Variants in PCDHGA5 observed in about 807,000 individuals in gnomAD.
PCDHGA5 encodes the protein protocadherin gamma-A5.
Under a neutral mutation model 56.7 loss-of-function variants are expected in PCDHGA5, and 36 were observed. That is an observed-to-expected ratio of 0.64 (90% CI 0.49 to 0.84). The LOEUF (loss-of-function observed/expected upper bound fraction) is 0.84, where lower values mean the gene tolerates loss of function less well. PCDHGA5 is among the 40% of genes least tolerant of loss of function. The probability of loss-of-function intolerance (pLI) is 0.00; values close to 1 mark genes in which losing one functional copy is unlikely to be tolerated. For synonymous variants in PCDHGA5, 563 were observed against 520.2 expected (o/e 1.08, Z -1.12); for missense variants, 1,305 against 1,201.5 (o/e 1.09, Z -1.27).
intron 1 of PCDHGA5, chr5:141,398,029 G>C (rs1363038637): frequency 2.7e-6 from 4 of 1,458,540 alleles, no homozygotes; most frequent in Non-Finnish European, 3.7e-6. Flanking sequence ...ACTGGAACTG[G>C]AACTAAAGCC....
intron 1 of PCDHGA5, chr5:141,385,402 T>A: frequency 6.7e-7 from 1 of 1,488,784 alleles, no homozygotes; most frequent in Non-Finnish European, 8.9e-7. Context: ...AACAAATGTT[T>A]TGAAAATAGG....
In PCDHGA5 at chr5:141,491,925, G is replaced by A. The variant is rs1019181943; in HGVS notation, c.2422-2882G>A. 5 of 1,325,176 alleles carry A rather than the reference G, an allele frequency of 3.8e-6. No homozygotes were observed. In the Admixed American group the frequency reaches 1.5e-4, roughly 39 times the overall value. 82.1% of individuals were successfully genotyped at this position (1,325,176 alleles called of 1,614,324 possible). A position where few individuals can be genotyped will look rare whatever the true frequency, so the allele number is the denominator to read the frequency against. On this transcript the variant is annotated intron_variant, in intron 1 of 3. Coordinates refer to ENST00000518069, the MANE Select transcript of PCDHGA5 (RefSeq NM_018918.3). The surrounding 1 kb of genome is among the most constrained non-coding windows in gnomAD (Gnocchi z 6.9). ...GGGTGGTGGCGACTGTGGGCGAGGG[G>A]AGGTGGGACCGACCCCCACCCCTAC...
intron 1 of PCDHGA5, chr5:141,414,139 G>T: frequency 6.3e-7 from 1 of 1,596,506 alleles, no homozygotes; most frequent in Non-Finnish European, 8.5e-7. Flanking sequence ...CTATGAAATA[G>T]AAATACAAGC....
intron 1 of PCDHGA5, chr5:141,418,046 G>A (rs757311166): frequency 1.9e-6 from 3 of 1,613,888 alleles, no homozygotes; most frequent in Admixed American, 3.3e-5. Flanking sequence ...GGATGTGTCG[G>A]CTCGCGAGCT....
intron 1 of PCDHGA5, among the ~76,000 whole-genome samples, chr5:141,446,182 G>A (rs1411996595): frequency 6.6e-6 from 1 of 152,118 alleles, no homozygotes; most frequent in African/African-American, 2.4e-5. Flanking sequence ...GGGGTGTTTT[G>A]TTTATTATTA....
intron 1 of PCDHGA5, among the ~76,000 whole-genome samples, chr5:141,456,736 G>A (rs1339661302): frequency 1.3e-5 from 2 of 151,924 alleles, no homozygotes; most frequent in Non-Finnish European, 2.9e-5. Context: ...AGGCTGAGGC[G>A]GGAGCATCAT....
rs1322608789 is a variant in PCDHGA5, at chr5:141,485,671, G to A, written c.2422-9136G>A. 3 of 1,612,860 alleles carry A rather than the reference G, an allele frequency of 1.9e-6. No homozygotes were observed. The highest frequency in any genetic ancestry group is 2.5e-6 in the Non-Finnish European group (3 of 1,179,040). On this transcript the variant is annotated intron_variant, in intron 1 of 3. Coordinates refer to ENST00000518069, the MANE Select transcript of PCDHGA5 (RefSeq NM_018918.3). This position sits in a 1 kb window ranked among gnomAD's most constrained non-coding sequence, Gnocchi z 5.7. Reference sequence around the variant, plus strand: ...AGGATGCAGATGTGGGGAGCAATTCGATTAGCAGCTATAGGCTGAGCTCCA... The same window carrying A: ...AGGATGCAGATGTGGGGAGCAATTCAATTAGCAGCTATAGGCTGAGCTCCA...
At chr5:141,399,454 G>A in intron 1 of PCDHGA5, 1 of 1,613,992 alleles carries the variant, frequency 6.2e-7, no homozygotes. Flanking sequence ...AGACGTCAAC[G>A]ATAACGCTCC....
In PCDHGA5 at chr5:141,375,771, T is replaced by C. The variant is rs570278414; in HGVS notation, c.2421+9020T>C. ...CAGAATGACAATGCGCCCGAGATCC[T>C]GTACCCCGCCCTCCCCACAGACGGT... On this transcript the variant is annotated intron_variant, in intron 1 of 3. Transcript: ENST00000518069. 16 of 1,614,130 alleles carry C rather than the reference T, an allele frequency of 9.9e-6. No individual in the cohort carries two copies. Among genetic ancestry groups the C allele is most frequent in the Middle Eastern group, 1.6e-4 (1 of 6,084 alleles).
At chr5:141,393,301 G>A (rs1398078406) in intron 1 of PCDHGA5, 2 of 1,613,768 alleles carry the variant, frequency 1.2e-6, no homozygotes, top group Non-Finnish European at 1.7e-6. Context: ...CCGGATGTGG[G>A]CGTGAACTCC....
intron 1 of PCDHGA5, among the ~76,000 whole-genome samples, chr5:141,435,232 G>A (rs1317217213): frequency 6.6e-6 from 1 of 152,062 alleles, no homozygotes; most frequent in Non-Finnish European, 1.5e-5. Context: ...TCAAAGTTCA[G>A]TAATTCTTTC....
chr5:141,403,109 G>A (rs754708762), intron 1 of PCDHGA5: 3 of 1,614,074 alleles, frequency 1.9e-6, no homozygotes. Context: ...CAAGGACCTG[G>A]CTCTGGAGCC....
intron 1 of PCDHGA5, chr5:141,392,171 C>A (rs1182647236): frequency 6.6e-6 from 1 of 152,216 alleles, no homozygotes; most frequent in African/African-American, 2.4e-5. Flanking sequence ...CTGAGTCAGT[C>A]ATCTCCAGTA....
chr5:141,468,222 G>A lies in PCDHGA5; in HGVS notation c.2422-26585G>A, dbSNP rs560663102. 2.6e-3 allele frequency among the ~76,000 whole-genome samples: 401 copies of A among 151,572 alleles called. 2 individuals are homozygous for A. Among genetic ancestry groups the A allele is most frequent in the South Asian group, 0.02 (97 of 4,782 alleles). ...TGCCTGTAATTCCAGCTACTTGGGA[G>A]GATGAGGTAGGAGAATTGCCTGAAC... On this transcript the variant is annotated intron_variant, in intron 1 of 3. Coordinates refer to ENST00000518069, the MANE Select transcript of PCDHGA5 (RefSeq NM_018918.3).
At position 141,490,646 on chromosome 5, in the gene PCDHGA5, C is replaced by G. The variant is rs202183643; in HGVS notation, c.2422-4161C>G. The G allele has an allele frequency of 8.7e-6, 14 of 1,614,068 alleles. No homozygotes were observed. In the African/African-American group the frequency reaches 1.7e-4, roughly 20 times the overall value. ...GCTTACATCCTAGAAAACCGGCCTC[C>G]GGGCTCCCTTCTTTGCACTGTGGCT... On this transcript the variant is annotated intron_variant, in intron 1 of 3. Coordinates refer to ENST00000518069, the MANE Select transcript of PCDHGA5 (RefSeq NM_018918.3). This position sits in a 1 kb window ranked among gnomAD's most constrained non-coding sequence, Gnocchi z 5.4.
chr5:141,427,377 A>C, intron 1 of PCDHGA5: 1 of 458,500 alleles, frequency 2.2e-6, no homozygotes, highest in Non-Finnish European at 4.4e-6. Flanking sequence ...GACGGTGATC[A>C]CTCTGTTCAA....
intron 1 of PCDHGA5, chr5:141,478,480 G>C (rs1444434721): frequency 1.9e-6 from 3 of 1,613,564 alleles, no homozygotes; most frequent in South Asian, 2.2e-5. Flanking sequence ...GCCAGAACAC[G>C]CTGCGGAGCT....
chr5:141,494,764 T>A (rs773955144), intron 1 of PCDHGA5, 43 bp from the exon 2 acceptor site: 1 of 1,613,932 alleles, frequency 6.2e-7, no homozygotes, highest in Non-Finnish European at 8.5e-7. Context: ...ACATTCTAAC[T>A]TCTCACGGGT....
chr5:141,385,020 C>T, intron 1 of PCDHGA5: 3 of 1,614,168 alleles, frequency 1.9e-6, no homozygotes, highest in Non-Finnish European at 2.5e-6. Flanking sequence ...TCCTAGCCTT[C>T]GTCCTCGTAC....
Sources: allele counts gnomAD v4.1 joint callset (sites outside exome capture counted in the v4.1 genomes callset), GRCh38; gene constraint gnomAD v4.1.1; non-coding constraint Gnocchi (gnomAD v3.1); transcripts MANE v1.5; gene names NCBI Gene and HGNC (gene_info 2026-07-23, HGNC 2026-07-21).